Variants in PRPF31 observed in about 807,000 individuals in gnomAD.
PRPF31 encodes the protein pre-mRNA processing factor 31.
Under a neutral mutation model 60.4 loss-of-function variants are expected in PRPF31, and 12 were observed. That is an observed-to-expected ratio of 0.20 (90% CI 0.13 to 0.32). PRPF31 has a LOEUF of 0.32. PRPF31 is among the 10% of genes least tolerant of loss of function. The pLI is 1.00. For missense variants in PRPF31, 431 were observed against 687.1 expected, an observed-to-expected ratio of 0.63 and a Z score of 4.17; for synonymous variants, 287 against 287.9, an observed-to-expected ratio of 1.00 and a Z score of 0.03.
intron 5 of PRPF31, chr19:54,122,823 C>T (rs944659334): frequency 1.6e-5 from 10 of 612,534 alleles, no homozygotes; most frequent in South Asian, 3.7e-5. Context: ...GCCTGACCCA[C>T]GCTGCTCCCG....
At position 54,118,558 on chromosome 19, in the gene PRPF31, TCTC is replaced by T. The variant is rs1180859923; in HGVS notation, c.178-12_178-10del. On this transcript the variant is annotated splice_polypyrimidine_tract_variant and intron_variant, in intron 2 of 13. Transcript: ENST00000321030. ...GAAGAGTGCTGGATTCTGACTGTCT[TCTC>T]CTTTCCTACAGTTTGCTGAGATTAT... is the stretch of plus-strand genomic sequence containing the variant. 1 of 1,614,084 alleles carries T rather than the reference TCTC, an allele frequency of 6.2e-7. No homozygotes were observed.
chr19:54,128,468 G>A, intron 11 of PRPF31, 91 bp downstream of exon 11: 1 of 1,335,150 alleles, frequency 7.5e-7, no homozygotes, highest in Non-Finnish European at 1.0e-6. Context: ...CTCGTCCTGT[G>A]GCCCTGGCTC....
intron 5 of PRPF31, 55 bp downstream of exon 5, chr19:54,122,649 C>T: frequency 1.4e-6 from 2 of 1,415,152 alleles, no homozygotes; most frequent in South Asian, 1.1e-5. Context: ...AGGCGGGGCT[C>T]ACTCTCGGAC....
At chr19:54,123,947 C>T (rs748972197) in intron 7 of PRPF31, 29 bp downstream of exon 7, 14 of 1,611,608 alleles carry the variant, frequency 8.7e-6, no homozygotes, top group Admixed American at 1.7e-5. Context: ...TCCCATGGAG[C>T]GGGGGTCTGC....
At chr19:54,121,444 C>T (rs917919203) in intron 3 of PRPF31, among the ~76,000 whole-genome samples, 1 of 152,050 alleles carries the variant, frequency 6.6e-6, no homozygotes, top group Non-Finnish European at 1.5e-5. Flanking sequence ...GCTGCTGAGT[C>T]AGCAAACAGG....
chr19:54,119,111 C>A (rs1211268828), intron 3 of PRPF31, among the ~76,000 whole-genome samples: 3 of 152,044 alleles, frequency 2.0e-5, no homozygotes, highest in African/African-American at 4.8e-5. Context: ...GGCCGGGCGC[C>A]GTGGCTCACG....
chr19:54,126,890 G>A (rs2073935471), intron 9 of PRPF31, among the ~76,000 whole-genome samples: 1 of 152,228 alleles, frequency 6.6e-6, no homozygotes. Flanking sequence ...CAGCACTTTG[G>A]GAGGCCAGGG....
chr19:54,128,341 G>A lies in PRPF31; in HGVS notation c.1110G>A (p.Glu370=). ...RKMKERLGLT[E]IRKQANRMSF... is the part of the protein sequence containing the mutation. ...TGAAGGAGCGGCTGGGGCTGACGGA[G>A]ATCCGGAAGCAGGCCAACCGTATGA... is the stretch of plus-strand genomic sequence containing the variant. The change falls in exon 11 of 14, where the codon GAG becomes GAA. Residue 370 remains glutamate (E), a synonymous_variant. Transcript: ENST00000321030. 1 of 1,547,526 alleles carries A rather than the reference G, an allele frequency of 6.5e-7. No homozygotes were observed. Among genetic ancestry groups the A allele is most frequent in the Non-Finnish European group, 8.7e-7 (1 of 1,146,580 alleles).
At chr19:54,123,603 G>A in intron 6 of PRPF31, 43 bp downstream of exon 6, 3 of 1,610,104 alleles carry the variant, frequency 1.9e-6, no homozygotes, top group Non-Finnish European at 2.5e-6. Context: ...AATGGGATTG[G>A]GGATTAGGCT....
intron 11 of PRPF31, 56 bp downstream of exon 11, chr19:54,128,433 T>TGCCTCCTGCCACCGCCCC: frequency 6.7e-7 from 1 of 1,494,948 alleles, no homozygotes; most frequent in South Asian, 1.2e-5. Flanking sequence ...GCCACCGCCC[T>TGCCTCCTGCCACCGCCCC]CTGCCTCCTG....
chr19:54,131,272 C>T (rs780371297), intron 13 of PRPF31, 35 bp from the exon 14 acceptor site: 1 of 1,612,904 alleles, frequency 6.2e-7, no homozygotes, highest in South Asian at 1.1e-5. Flanking sequence ...CTTCTCCTCA[C>T]CTAACCCATC....
intron 7 of PRPF31, 52 bp downstream of exon 7, chr19:54,123,970 C>A: frequency 6.2e-7 from 1 of 1,607,650 alleles, no homozygotes; most frequent in East Asian, 2.2e-5. Context: ...ACACTGTGAC[C>A]TTGGGAAAGC....
intron 8 of PRPF31, 35 bp downstream of exon 8, chr19:54,124,691 C>G: frequency 1.9e-6 from 3 of 1,604,116 alleles, no homozygotes; most frequent in Non-Finnish European, 1.7e-6. Context: ...TCCCCCGGCC[C>G]CCCTGGAGCC....
At chr19:54,122,258 A>T (rs2073810397) in intron 4 of PRPF31, 1 of 627,986 alleles carries the variant, frequency 1.6e-6, no homozygotes, top group Non-Finnish European at 2.8e-6. Flanking sequence ...CCCACCAGCA[A>T]GGCGCTTCTT....
At chr19:54,126,483 C>T (rs1319588748) in intron 8 of PRPF31, 45 bp from the exon 9 acceptor site, 2 of 1,579,196 alleles carry the variant, frequency 1.3e-6, no homozygotes, top group South Asian at 1.1e-5. Flanking sequence ...TTACCTCTGT[C>T]TGTCTGTCTC....
rs587727892 is a variant in PRPF31 at position 54,128,506 on chromosome 19, C to A, written c.1146+129C>A. 9.6e-6 allele frequency: 9 copies of A among 940,572 alleles called. No individual in the cohort carries two copies. In the East Asian group the frequency reaches 1.8e-4, roughly 19 times the overall value. The allele number at this position is 940,572 out of a possible 1,614,324, so 58.3% of individuals were successfully genotyped here. ...GTCTAGGGCGCTGCCCCAGCCTCCC[C>A]CCCCCCGGCCTCTATTCTCGTTTCC... On this transcript the variant is annotated intron_variant, in intron 11 of 13. Coordinates refer to ENST00000321030, the MANE Select transcript of PRPF31 (RefSeq NM_015629.4).
chr19:54,128,697 TCTC>T (rs2073983853), intron 11 of PRPF31, among the ~76,000 whole-genome samples: 1 of 151,980 alleles, frequency 6.6e-6, no homozygotes, highest in Non-Finnish European at 1.5e-5. Flanking sequence ...GCCCCGCCAG[TCTC>T]CTCTGTTATC....
At position 54,123,109 on chromosome 19, in the gene PRPF31, T is replaced by A; in HGVS notation, c.421-345T>A. 1.0e-5 allele frequency: 5 copies of A among 498,978 alleles called. No individual in the cohort carries two copies. In the South Asian group the frequency reaches 1.1e-4, roughly 11 times the overall value. 30.9% of individuals were successfully genotyped at this position (498,978 alleles called of 1,614,324 possible). A position where few individuals can be genotyped will look rare whatever the true frequency, so the allele number is the denominator to read the frequency against. ...GTCCCCACGCATGTCCAGGAAAGGA[T>A]TAGGATGGCGGTGGGGAAGCCCCTG... On this transcript the variant is annotated intron_variant, in intron 5 of 13. Coordinates refer to ENST00000321030, the MANE Select transcript of PRPF31 (RefSeq NM_015629.4).
chr19:54,127,322 G>A lies in PRPF31; in HGVS notation c.945+705G>A, dbSNP rs191204386. On this transcript the variant is annotated intron_variant, in intron 9 of 13. Coordinates refer to ENST00000321030, the MANE Select transcript of PRPF31 (RefSeq NM_015629.4). Reference sequence around the variant, plus strand: ...AGCTCGTGGCCCTCCCTCTGTCTGCGGAGCCAGCCACATAGCACCCTCAGA... The same window carrying A: ...AGCTCGTGGCCCTCCCTCTGTCTGCAGAGCCAGCCACATAGCACCCTCAGA... 6.6e-5 allele frequency among the ~76,000 whole-genome samples: 10 copies of A among 152,138 alleles called. No individual in the cohort carries two copies. The East Asian group carries it at 1.4e-3, about 21-fold the overall frequency.
Sources: allele counts gnomAD v4.1 joint callset (sites outside exome capture counted in the v4.1 genomes callset), GRCh38; gene constraint gnomAD v4.1.1; transcripts MANE v1.5; gene names NCBI Gene and HGNC (gene_info 2026-07-23, HGNC 2026-07-21).